HPSE2: variants seen among roughly 807,000 people sequenced by gnomAD.
The protein encoded by HPSE2 is heparanase 2 (inactive), also known as inactive heparanase-2.
HPSE2 carries 38 observed loss-of-function variants against 60.5 expected under a neutral mutation model. The ratio of observed to expected loss-of-function variants is 0.63; its 90% CI spans 0.48 to 0.82. The LOEUF is 0.82. Ranked by LOEUF, HPSE2 falls within the 40% of genes least tolerant of loss-of-function variation. HPSE2 has a pLI of 0.00. For synonymous variants in HPSE2, 295 were observed against 293.2 expected, an observed-to-expected ratio of 1.01 and a Z score of -0.06; for missense variants, 713 against 740.4, an observed-to-expected ratio of 0.96 and a Z score of 0.43.
chr10:98,640,578 T>C (rs1458015189), intron 7 of HPSE2, among the ~76,000 whole-genome samples: 2 of 152,220 alleles, frequency 1.3e-5, no homozygotes, highest in East Asian at 3.8e-4. Context: ...TAGGATTTCC[T>C]TTCAGAGCTA....
intron 3 of HPSE2, among the ~76,000 whole-genome samples, chr10:98,967,102 A>C (rs913262663): frequency 1.1e-4 from 16 of 152,234 alleles, no homozygotes; most frequent in Admixed American, 1.0e-3. Flanking sequence ...AAGGGGGTAG[A>C]CTCCAAACGG....
At chr10:98,665,806 G>T (rs559182647) in intron 6 of HPSE2, among the ~76,000 whole-genome samples, 2 of 152,238 alleles carry the variant, frequency 1.3e-5, no homozygotes, top group South Asian at 4.1e-4. Context: ...GGGAACAAAA[G>T]GTTGATACCT....
chr10:99,286,057 TGA>T, the HPSE2 span, among the ~76,000 whole-genome samples: 1 of 150,994 alleles, frequency 6.6e-6, no homozygotes, highest in Non-Finnish European at 1.5e-5. Flanking sequence ...ATAACAAAAG[TGA>T]GAGAGAGAGA....
intron 6 of HPSE2, among the ~76,000 whole-genome samples, chr10:98,666,621 C>T (rs1287645518): frequency 6.6e-6 from 1 of 151,992 alleles, no homozygotes; most frequent in Non-Finnish European, 1.5e-5. Flanking sequence ...GAAATTAATA[C>T]CAAGAAGATC....
At chr10:98,645,444 GC>G (rs1946742326) in intron 6 of HPSE2, among the ~76,000 whole-genome samples, 1 of 152,164 alleles carries the variant, frequency 6.6e-6, no homozygotes, top group South Asian at 2.1e-4. Flanking sequence ...CCTGGGCATT[GC>G]CTCTACCTTT....
intron 3 of HPSE2, among the ~76,000 whole-genome samples, chr10:98,816,921 G>T (rs1253718339): frequency 6.6e-6 from 1 of 151,896 alleles, no homozygotes; most frequent in Non-Finnish European, 1.5e-5. Flanking sequence ...TCAGAAGCAG[G>T]ACCTGAAGTA....
At chr10:98,831,175 A>C (rs1009746806) in intron 3 of HPSE2, among the ~76,000 whole-genome samples, 5 of 152,186 alleles carry the variant, frequency 3.3e-5, no homozygotes, top group Non-Finnish European at 7.3e-5. Context: ...CTGCTATGCC[A>C]ATCAGACCAA....
chr10:98,574,359 G>A (rs1312854705), intron 9 of HPSE2, among the ~76,000 whole-genome samples: 2 of 151,974 alleles, frequency 1.3e-5, no homozygotes, highest in African/African-American at 4.8e-5. Context: ...CCCAGGGAGG[G>A]GGAGAGAGGA....
the HPSE2 span, among the ~76,000 whole-genome samples, chr10:99,303,821 G>A: frequency 4.6e-5 from 7 of 152,120 alleles, no homozygotes; most frequent in African/African-American, 1.4e-4. Context: ...CTCCTAGGAT[G>A]TTTGATCACT....
intron 3 of HPSE2, among the ~76,000 whole-genome samples, chr10:98,788,702 G>T (rs113899271): frequency 0.038 from 5,753 of 152,004 alleles, 235 homozygotes; most frequent in East Asian, 0.17. Context: ...GGAGTGACCC[G>T]ATTTTCCAGG....
intron 2 of HPSE2, among the ~76,000 whole-genome samples, chr10:99,148,982 T>C (rs2135791718): frequency 6.6e-6 from 1 of 151,962 alleles, no homozygotes; most frequent in Non-Finnish European, 1.5e-5. Context: ...AACTTATGCA[T>C]GTAACCAAAC....
In HPSE2 at chr10:98,688,465, CT is replaced by C. The variant is rs562095149; in HGVS notation, c.1004+5434del. Reference sequence around the variant, plus strand: ...GTCTGAAGAATTTCCTTTAGCATTTCTTTTTTTTTTTCTTTTTTTTTTTTTT... The same window carrying C: ...GTCTGAAGAATTTCCTTTAGCATTTCTTTTTTTTTTCTTTTTTTTTTTTTT... On this transcript the variant is annotated intron_variant, in intron 6 of 11. Transcript: ENST00000370552. Among the ~76,000 whole-genome samples, 6 of 103,860 alleles carry C rather than the reference CT, an allele frequency of 5.8e-5. 1 individual carries two copies. Among genetic ancestry groups the C allele is most frequent in the African/African-American group, 2.2e-4 (6 of 26,912 alleles). The allele number at this position is 103,860 out of a possible 152,430, so 68.1% of individuals were successfully genotyped here.
chr10:99,010,546 A>C (rs1956990318), intron 3 of HPSE2, among the ~76,000 whole-genome samples: 1 of 152,218 alleles, frequency 6.6e-6, no homozygotes, highest in East Asian at 1.9e-4. Context: ...ATAACTTCTT[A>C]AGTAAATTCA....
chr10:99,266,107 A>G, the HPSE2 span, among the ~76,000 whole-genome samples: 5 of 152,270 alleles, frequency 3.3e-5, no homozygotes, highest in Middle Eastern at 3.4e-3. Flanking sequence ...AACAATTTCA[A>G]CCTAACACGA....
At chr10:98,959,838 C>T (rs1955605032) in intron 3 of HPSE2, among the ~76,000 whole-genome samples, 1 of 152,084 alleles carries the variant, frequency 6.6e-6, no homozygotes, top group African/African-American at 2.4e-5. Flanking sequence ...AAGATGAATT[C>T]TAGGGGCAGA....
chr10:99,144,579 T>C (rs773305912), intron 2 of HPSE2, among the ~76,000 whole-genome samples, 180 bp from the exon 3 acceptor site: 3 of 152,154 alleles, frequency 2.0e-5, no homozygotes, highest in Non-Finnish European at 4.4e-5. Flanking sequence ...ATCCTGAAAG[T>C]TCCTCTGGTC....
chr10:98,704,129 C>T (rs1948483107), intron 5 of HPSE2, among the ~76,000 whole-genome samples: 2 of 150,892 alleles, frequency 1.3e-5, no homozygotes, highest in South Asian at 4.2e-4. Context: ...AATAGACAAA[C>T]AGCCAAATCA....
chr10:99,093,190 T>G (rs1365858520), intron 3 of HPSE2, among the ~76,000 whole-genome samples: 1 of 152,092 alleles, frequency 6.6e-6, no homozygotes, highest in Non-Finnish European at 1.5e-5. Context: ...ATCGTGCCAC[T>G]GTACCTCCAG....
the HPSE2 span, among the ~76,000 whole-genome samples, chr10:99,247,319 A>G: frequency 1.3e-5 from 2 of 152,274 alleles, no homozygotes; most frequent in Non-Finnish European, 2.9e-5. Flanking sequence ...AGTTTACTGC[A>G]ACATGAAAAG....
Sources: allele counts gnomAD v4.1 joint callset (sites outside exome capture counted in the v4.1 genomes callset), GRCh38; gene constraint gnomAD v4.1.1; transcripts MANE v1.5; gene names NCBI Gene and HGNC (gene_info 2026-07-23, HGNC 2026-07-21).